PCDHGB6: variants seen among roughly 807,000 people sequenced by gnomAD.
PCDHGB6 encodes protocadherin gamma subfamily B, 6, also known as protocadherin gamma-B6.
PCDHGB6 carries 51 observed loss-of-function variants against 59.1 expected under a neutral mutation model. The ratio of observed to expected loss-of-function variants is 0.86; its 90% confidence interval spans 0.69 to 1.09. The LOEUF is 1.09. Ranked by LOEUF, PCDHGB6 falls within the 50% of genes least tolerant of loss-of-function variation. The pLI, the probability that PCDHGB6 is intolerant of heterozygous loss-of-function variation, is 0.00. For missense variants in PCDHGB6, 1,148 were observed against 1,205.1 expected (o/e 0.95, Z 0.70); for synonymous variants, 466 against 495.1 (o/e 0.94, Z 0.78).
intron 1 of PCDHGB6, among the ~76,000 whole-genome samples, chr5:141,438,614 A>G (rs1208036297): frequency 5.8e-5 from 2 of 34,396 alleles, no homozygotes. Context: ...ATATATATAT[A>G]TATATATATA....
rs1300601208 is a variant in PCDHGB6 at position 141,499,206 on chromosome 5, AC to A, written c.2477+4344del. On this transcript the variant is annotated intron_variant, in intron 2 of 3. Transcript: ENST00000520790. ...ACCATTTCCCCCTTCTTAGGCTGTA[AC>A]CCAGGCCCTGCCCTGCAGCTGTCCC... Among the ~76,000 whole-genome samples the A allele has an allele frequency of 3.3e-5, 5 of 152,062 alleles. No homozygotes were observed. In the East Asian group the frequency reaches 7.7e-4, roughly 24 times the overall value.
chr5:141,408,570 T>C lies in PCDHGB6; in HGVS notation c.368T>C (p.Ile123Thr), dbSNP rs1184307323. Residue 123 changes from isoleucine to threonine, a missense_variant, in exon 1 of 4, where the codon ATT becomes ACT. By Grantham distance (89) the Ile-to-Thr change is moderately conservative. Around this residue, in one of 5 missense-constraint regions of PCDHGB6, gnomAD observed 307 missense variants for 323.8 expected, o/e 0.95. Transcript: ENST00000520790. ...AATATTTTTCATGTCATTGTGGTGA[T>C]TGAGGATGTTAATGACCACGCCCCT... ...PLNIFHVIVV[I>T]EDVNDHAPQF... 5 of 1,613,966 alleles carry C rather than the reference T, an allele frequency of 3.1e-6. No homozygotes were observed. The highest frequency in any genetic ancestry group is 2.2e-5 in the East Asian group (1 of 44,884).
chr5:141,418,509 G>A, intron 1 of PCDHGB6: 1 of 1,613,986 alleles, frequency 6.2e-7, no homozygotes. Context: ...GCCTTAGATG[G>A]TGGGGACCCT....
At chr5:141,419,318 G>A in intron 1 of PCDHGB6, 1 of 1,613,992 alleles carries the variant, frequency 6.2e-7, no homozygotes, top group Non-Finnish European at 8.5e-7. Flanking sequence ...CAACGGCCGT[G>A]TCTCCTACTC....
rs1440637025 is a variant in PCDHGB6 at position 141,409,572 on chromosome 5, A to G, written c.1370A>G (p.Tyr457Cys). The G allele has an allele frequency of 1.2e-6, 2 of 1,613,920 alleles. No individual in the cohort carries two copies. The highest frequency in any genetic ancestry group is 1.1e-5 in the South Asian group (1 of 91,088). ...GCCCCAGTTTTCGACCAGACGTCCT[A>G]CGTGGTCCACGTGGCCGAGAACAAC... ...DNAPVFDQTS[Y>C]VVHVAENNPP... Residue 457 changes from tyrosine to cysteine, a missense_variant, in exon 1 of 4, where the codon TAC becomes TGC. By Grantham distance (194) the Tyr-to-Cys change is radical. Coordinates refer to ENST00000520790, the MANE Select transcript of PCDHGB6 (RefSeq NM_018926.3).
chr5:141,507,851 C>T (rs570052933), intron 3 of PCDHGB6, among the ~76,000 whole-genome samples: 48 of 152,322 alleles, frequency 3.2e-4, no homozygotes, highest in African/African-American at 1.1e-3. Context: ...CCTGCTCTCA[C>T]TTTCACACCC....
At chr5:141,413,748 T>G (rs1264580781) in intron 1 of PCDHGB6, 1 of 1,613,288 alleles carries the variant, frequency 6.2e-7, no homozygotes, top group Admixed American at 1.7e-5. Flanking sequence ...GCCGTGCCAA[T>G]GGCGTCAAGT....
intron 1 of PCDHGB6, among the ~76,000 whole-genome samples, chr5:141,446,182 G>A (rs1411996595): frequency 6.6e-6 from 1 of 152,118 alleles, no homozygotes; most frequent in African/African-American, 2.4e-5. Flanking sequence ...GGGGTGTTTT[G>A]TTTATTATTA....
At position 141,423,482 on chromosome 5, in the gene PCDHGB6, A is replaced by T. The variant is rs553914622; in HGVS notation, c.2418+12862A>T. On this transcript the variant is annotated intron_variant, in intron 1 of 3. Transcript: ENST00000520790. ...GTGGACGGGGTACAGGCTTTCCTGC[A>T]AACCTATTCCCACGAGGTCTCTCTC... is the stretch of plus-strand genomic sequence containing the variant. 1.1e-5 allele frequency: 17 copies of T among 1,613,968 alleles called. No homozygotes were observed. The African/African-American group carries it at 2.3e-4, about 22-fold the overall frequency.
intron 1 of PCDHGB6, chr5:141,423,124 C>T (rs748586131): frequency 1.9e-6 from 3 of 1,613,778 alleles, no homozygotes; most frequent in Non-Finnish European, 1.7e-6. Context: ...AGCGCGGGCA[C>T]TGCTGGACAG....
intron 1 of PCDHGB6, chr5:141,419,497 G>T (rs1357823931): frequency 9.9e-6 from 16 of 1,612,390 alleles, no homozygotes; most frequent in Non-Finnish European, 1.4e-5. Context: ...GCGCCAATGT[G>T]AGCCTGCGCG....
chr5:141,430,395 A>C (rs1461176471), intron 1 of PCDHGB6, among the ~76,000 whole-genome samples: 1 of 152,096 alleles, frequency 6.6e-6, no homozygotes, highest in Non-Finnish European at 1.5e-5. Context: ...AAAAAAAAAA[A>C]AGCTCACTAA....
intron 1 of PCDHGB6, chr5:141,418,940 C>T (rs867717378): frequency 5.6e-6 from 9 of 1,614,010 alleles, no homozygotes; most frequent in Non-Finnish European, 7.6e-6. Flanking sequence ...GGAGGATTCC[C>T]CTCCAGGAGT....
At chr5:141,461,131 T>G (rs1372557827) in intron 1 of PCDHGB6, among the ~76,000 whole-genome samples, 1 of 152,094 alleles carries the variant, frequency 6.6e-6, no homozygotes, top group Non-Finnish European at 1.5e-5. Flanking sequence ...TATAATTACT[T>G]ATTTTCCTTT....
chr5:141,409,843 C>G lies in PCDHGB6; in HGVS notation c.1641C>G (p.Ser547Arg). 6.2e-7 allele frequency: 1 copy of G among 1,611,804 alleles called. No homozygotes were observed. Among genetic ancestry groups the G allele is most frequent in the Non-Finnish European group, 8.5e-7 (1 of 1,179,206 alleles). Residue 547 changes from serine (S) to arginine (R), a missense_variant, in exon 1 of 4, where the codon AGC (serine) becomes AGG (arginine). By Grantham distance (110) the Ser-to-Arg change is moderately radical. Around this residue, in one of 5 missense-constraint regions of PCDHGB6, gnomAD observed 549 missense variants for 527.5 expected, o/e 1.04. Transcript: ENST00000520790. ...HGSPTLSANV[S>R]LRVLVGDRND... ...CGCCCACGCTCAGCGCCAACGTGAG[C>G]CTGCGCGTGTTGGTGGGAGACCGCA...
Position 141,489,213 on chromosome 5 carries a change from T to G in PCDHGB6, c.2419-5594T>G, listed in dbSNP as rs372898969. 11 of 1,473,392 alleles carry G rather than the reference T, an allele frequency of 7.5e-6. No homozygotes were observed. The highest frequency in any genetic ancestry group is 6.4e-6 in the Non-Finnish European group (7 of 1,091,332). 91.3% of individuals were successfully genotyped at this position (1,473,392 alleles called of 1,614,324 possible). On this transcript the variant is annotated intron_variant, in intron 1 of 3. Coordinates refer to ENST00000520790, the MANE Select transcript of PCDHGB6 (RefSeq NM_018926.3). This position sits in a 1 kb window ranked among gnomAD's most constrained non-coding sequence, Gnocchi z 4.5. Reference sequence around the variant, plus strand: ...ACCTTGGAGACAGGACAGCACAGACTTACTCTCCACAAAGGGACTTCTGGG... The same window carrying G: ...ACCTTGGAGACAGGACAGCACAGACGTACTCTCCACAAAGGGACTTCTGGG...
rs570809952 is a variant in PCDHGB6 at position 141,463,609 on chromosome 5, C to T, written c.2419-31198C>T. 4.6e-5 allele frequency among the ~76,000 whole-genome samples: 7 copies of T among 151,964 alleles called. No homozygotes were observed. In the East Asian group the frequency reaches 9.7e-4, roughly 21 times the overall value. The stretch of plus-strand genomic sequence containing the variant: ...GACTACAGGTGCCTGCCACCATGCC[C>T]GGCTAATTTTTTGTATTTTGTTTAG... On this transcript the variant is annotated intron_variant, in intron 1 of 3. Coordinates refer to ENST00000520790, the MANE Select transcript of PCDHGB6 (RefSeq NM_018926.3).
intron 2 of PCDHGB6, among the ~76,000 whole-genome samples, chr5:141,501,476 A>T (rs1274017343): frequency 3.3e-5 from 5 of 152,044 alleles, no homozygotes; most frequent in Admixed American, 3.3e-4. Context: ...ATCCTGGAAG[A>T]GTCCCTCATA....
Position 141,487,830 on chromosome 5 carries a change from T to C in PCDHGB6, c.2419-6977T>C, listed in dbSNP as rs1410090651. On this transcript the variant is annotated intron_variant, in intron 1 of 3. Transcript: ENST00000520790. This position sits in a 1 kb window ranked among gnomAD's most constrained non-coding sequence, Gnocchi z 5.0. ...TTTAGCATTGGGGGCGGGTCATGCC[T>C]ATATCTGAGTAAGAAATGAAAGTAA... The C allele has an allele frequency of 3.5e-6, 4 of 1,139,942 alleles. No homozygotes were observed. The highest frequency in any genetic ancestry group is 1.6e-5 in the African/African-American group (1 of 63,734). The allele number at this position is 1,139,942 out of a possible 1,614,324, so 70.6% of individuals were successfully genotyped here.
Sources: gnomAD v4.1 joint callset for allele counts (sites outside exome capture counted in the v4.1 genomes callset) on GRCh38, gnomAD v4.1.1 for gene constraint, gnomAD v4.1.1 regional missense constraint, Gnocchi (gnomAD v3.1) non-coding constraint, MANE v1.5 for transcripts, NCBI Gene and HGNC (gene_info 2026-07-23, HGNC 2026-07-21) for gene names.